The following SLC5A3 variants were observed in gnomAD, a reference collection of about 807,000 sequenced individuals.
SLC5A3 encodes the protein solute carrier family 5 member 3.
Under a neutral mutation model 43.2 loss-of-function variants are expected in SLC5A3, and 10 were observed. The ratio of observed to expected loss-of-function variants is 0.23; its 90% CI spans 0.14 to 0.39. SLC5A3 has a LOEUF of 0.39. SLC5A3 is among the 10% of genes least tolerant of loss of function. SLC5A3 has a pLI of 1.00. For synonymous variants in SLC5A3, 349 were observed against 322.0 expected, an observed-to-expected ratio of 1.08 and a Z score of -0.90; for missense variants, 608 against 893.4, an observed-to-expected ratio of 0.68 and a Z score of 4.07.
chr21:34,081,033 C>A (rs955699402), intron 1 of SLC5A3, among the ~76,000 whole-genome samples: 1 of 152,030 alleles, frequency 6.6e-6, no homozygotes, highest in Non-Finnish European at 1.5e-5. Context: ...TTCCTGAAAA[C>A]CAAGTTGGAT....
At chr21:34,074,073 A>G (rs1172913855) in intron 1 of SLC5A3, among the ~76,000 whole-genome samples, 3 of 143,320 alleles carry the variant, frequency 2.1e-5, no homozygotes, top group Non-Finnish European at 4.6e-5. Flanking sequence ...GCGGGAGTCC[A>G]GTGGAAGGTC....
In SLC5A3 at chr21:34,083,605, G is replaced by A. The variant is rs371309624; in HGVS notation, c.-337+9860G>A. ...TTTTGATTGCCATTCTTCTGTTGGT[G>A]TACTGCTTGCCTTCTGTTTTGTTAA... On this transcript the variant is annotated intron_variant, in intron 1 of 1. Coordinates refer to ENST00000381151, the MANE Select transcript of SLC5A3 (RefSeq NM_006933.7). 3.2e-4 allele frequency among the ~76,000 whole-genome samples: 48 copies of A among 152,298 alleles called. 1 individual carries two copies. The South Asian group carries it at 1.0e-2, about 32-fold the overall frequency.
Position 34,096,503 on chromosome 21 carries a change from C to T in SLC5A3, c.1305C>T (p.Gly435=), listed in dbSNP as rs1978971819. The T allele has an allele frequency of 6.2e-7, 1 of 1,614,094 alleles. No individual in the cohort carries two copies. Residue 435 remains glycine, a synonymous_variant, in exon 2 of 2, where the codon GGC becomes GGT. Coordinates refer to ENST00000381151, the MANE Select transcript of SLC5A3 (RefSeq NM_006933.7). This position sits in a 1 kb window ranked among gnomAD's most constrained non-coding sequence, Gnocchi z 5.9. ...CAATCATCGTGGAGATGCAAGGAGG[C>T]CAGATGTACCTTTACATTCAGGAGG... ...WVPIIVEMQG[G]QMYLYIQEVA... is the part of the protein sequence containing the mutation.
intron 1 of SLC5A3, among the ~76,000 whole-genome samples, chr21:34,094,466 A>G (rs999249858): frequency 9.2e-5 from 14 of 152,094 alleles, no homozygotes; most frequent in Non-Finnish European, 1.6e-4. Flanking sequence ...GTATTTTAAG[A>G]TTTCATTTTT....
chr21:34,081,926 T>G (rs1210766657), intron 1 of SLC5A3, among the ~76,000 whole-genome samples: 1 of 152,186 alleles, frequency 6.6e-6, no homozygotes, highest in Non-Finnish European at 1.5e-5. Context: ...ATGTTTGAAT[T>G]AGTGGTGTTG....
intron 1 of SLC5A3, among the ~76,000 whole-genome samples, chr21:34,085,756 C>T (rs560155789): frequency 6.6e-6 from 1 of 152,184 alleles, no homozygotes; most frequent in East Asian, 1.9e-4. Context: ...GCGCCCGCCA[C>T]CGCACCCAGC....
Position 34,099,613 on chromosome 21 carries a change from T to C in SLC5A3, c.*2258T>C, listed in dbSNP as rs1979140149. 4.0e-6 allele frequency: 4 copies of C among 999,362 alleles called. No homozygotes were observed. The South Asian group carries it at 1.9e-4, about 47-fold the overall frequency. The allele number at this position is 999,362 out of a possible 1,614,324, so 61.9% of individuals were successfully genotyped here. A position where few individuals can be genotyped will look rare whatever the true frequency, so the allele number is the denominator to read the frequency against. On this transcript the variant is annotated 3_prime_UTR_variant, in exon 2 of 2. Coordinates refer to ENST00000381151, the MANE Select transcript of SLC5A3 (RefSeq NM_006933.7). Reference sequence around the variant, plus strand: ...TAGGAGGTGTTTGTGATTTTTTTTTTCTCCCTTTATTTAACATTGAGTCCT... The same window carrying C: ...TAGGAGGTGTTTGTGATTTTTTTTTCCTCCCTTTATTTAACATTGAGTCCT...
Position 34,101,015 on chromosome 21 carries a change from G to A in SLC5A3, c.*3660G>A, listed in dbSNP as rs751623809. The A allele has an allele frequency of 7.0e-6, 7 of 1,000,044 alleles. No homozygotes were observed. Among genetic ancestry groups the A allele is most frequent in the South Asian group, 9.4e-5 (2 of 21,294 alleles). 61.9% of individuals were successfully genotyped at this position (1,000,044 alleles called of 1,614,324 possible). On this transcript the variant is annotated 3_prime_UTR_variant, in exon 2 of 2. Coordinates refer to ENST00000381151, the MANE Select transcript of SLC5A3 (RefSeq NM_006933.7). The stretch of plus-strand genomic sequence containing the variant: ...TGACTGGAAAGGGATCACATGGGTC[G>A]TTGGTGGTGACACCTCACTGTTTCC...
Position 34,103,315 on chromosome 21 carries a change from TAAAAAA to T in SLC5A3, c.*5971_*5976del. The T allele has an allele frequency of 7.7e-6, 7 of 911,356 alleles. No individual in the cohort carries two copies. Among genetic ancestry groups the T allele is most frequent in the Non-Finnish European group, 9.2e-6 (7 of 759,410 alleles). The allele number at this position is 911,356 out of a possible 1,614,324, so 56.5% of individuals were successfully genotyped here. A position where few individuals can be genotyped will look rare whatever the true frequency, so the allele number is the denominator to read the frequency against. On this transcript the variant is annotated 3_prime_UTR_variant, in exon 2 of 2. Coordinates refer to ENST00000381151, the MANE Select transcript of SLC5A3 (RefSeq NM_006933.7). Reference sequence around the variant, plus strand: ...ATTTTGTCGTAACTAGTGAAGGAAGTAAAAAAAAAAAAAAAACATGCATTACATTGA... The same window carrying T: ...ATTTTGTCGTAACTAGTGAAGGAAGTAAAAAAAAAACATGCATTACATTGA...
In SLC5A3 at chr21:34,100,456, C is replaced by T; in HGVS notation, c.*3101C>T. 2 of 1,000,246 alleles carry T rather than the reference C, an allele frequency of 2.0e-6. No homozygotes were observed. The highest frequency in any genetic ancestry group is 2.4e-6 in the Non-Finnish European group (2 of 829,976). The allele number at this position is 1,000,246 out of a possible 1,614,324, so 62.0% of individuals were successfully genotyped here. ...ATGCTTTGTCTTTAGATTAGAGAAGCATCAAGCAATAGCAATGGTGCTGTG... is the reference window on the plus strand; with the variant it reads ...ATGCTTTGTCTTTAGATTAGAGAAGTATCAAGCAATAGCAATGGTGCTGTG... On this transcript the variant is annotated 3_prime_UTR_variant, in exon 2 of 2. Coordinates refer to ENST00000381151, the MANE Select transcript of SLC5A3 (RefSeq NM_006933.7).
At chr21:34,083,346 C>T (rs1473257484) in intron 1 of SLC5A3, among the ~76,000 whole-genome samples, 1 of 152,284 alleles carries the variant, frequency 6.6e-6, no homozygotes, top group African/African-American at 2.4e-5. Flanking sequence ...GATATCTGCT[C>T]CCTTTTCATT....
chr21:34,077,059 C>G (rs1014928322), intron 1 of SLC5A3, among the ~76,000 whole-genome samples: 3 of 152,120 alleles, frequency 2.0e-5, no homozygotes, highest in Admixed American at 6.6e-5. Context: ...TCCACCCTGC[C>G]CCCCCTGCAA....
chr21:34,094,388 C>T (rs1382864111), intron 1 of SLC5A3, among the ~76,000 whole-genome samples: 1 of 152,078 alleles, frequency 6.6e-6, no homozygotes, highest in Non-Finnish European at 1.5e-5. Flanking sequence ...TAGTAAACAC[C>T]ACCTGCCTGT....
intron 1 of SLC5A3, among the ~76,000 whole-genome samples, chr21:34,091,675 T>G (rs2148657818): frequency 6.6e-6 from 1 of 152,342 alleles, no homozygotes; most frequent in South Asian, 2.1e-4. Context: ...CAAAACTGCA[T>G]TCTAATTCTG....
Position 34,100,445 on chromosome 21 carries a change from G to A in SLC5A3, c.*3090G>A, listed in dbSNP as rs1979182903. On this transcript the variant is annotated 3_prime_UTR_variant, in exon 2 of 2. Coordinates refer to ENST00000381151, the MANE Select transcript of SLC5A3 (RefSeq NM_006933.7). The stretch of plus-strand genomic sequence containing the variant: ...TGGGGGTAATTATGCTTTGTCTTTA[G>A]ATTAGAGAAGCATCAAGCAATAGCA... 1 of 999,900 alleles carries A rather than the reference G, an allele frequency of 1.0e-6. No individual in the cohort carries two copies. The highest frequency in any genetic ancestry group is 1.8e-5 in the African/African-American group (1 of 57,022). 61.9% of individuals were successfully genotyped at this position (999,900 alleles called of 1,614,324 possible).
intron 1 of SLC5A3, among the ~76,000 whole-genome samples, chr21:34,080,190 T>C (rs560973372): frequency 6.6e-6 from 1 of 152,346 alleles, no homozygotes; most frequent in African/African-American, 2.4e-5. Flanking sequence ...GGTGCACTTA[T>C]AACAAGGAAA....
rs1050807571 is a variant in SLC5A3, at chr21:34,096,465, A to G, written c.1267A>G (p.Ile423Val). 5 of 1,614,096 alleles carry G rather than the reference A, an allele frequency of 3.1e-6. No homozygotes were observed. The highest frequency in any genetic ancestry group is 3.4e-6 in the Non-Finnish European group (4 of 1,180,032). Residue 423 changes from isoleucine (I) to valine (V), a missense_variant, in exon 2 of 2, where the codon ATA becomes GTA. Ile to Val is a conservative substitution (Grantham distance 29). Coordinates refer to ENST00000381151, the MANE Select transcript of SLC5A3 (RefSeq NM_006933.7). This position sits in a 1 kb window ranked among gnomAD's most constrained non-coding sequence, Gnocchi z 5.9. ...IFVAFMVVIS[I>V]AWVPIIVEMQ... ...TGTGGCATTTATGGTGGTGATCAGC[A>G]TAGCATGGGTGCCAATCATCGTGGA...
chr21:34,091,501 G>T (rs1255748999), intron 1 of SLC5A3, among the ~76,000 whole-genome samples: 1 of 151,946 alleles, frequency 6.6e-6, no homozygotes, highest in Non-Finnish European at 1.5e-5. Flanking sequence ...ATTACATTTT[G>T]GTTAACATGG....
intron 1 of SLC5A3, among the ~76,000 whole-genome samples, chr21:34,088,769 A>T (rs1978528308): frequency 6.6e-6 from 1 of 152,214 alleles, no homozygotes; most frequent in Non-Finnish European, 1.5e-5. Flanking sequence ...TAAAATGGTC[A>T]TAATAATTGT....
Sources: gnomAD v4.1 joint callset for allele counts (sites outside exome capture counted in the v4.1 genomes callset) on GRCh38, gnomAD v4.1.1 for gene constraint, Gnocchi (gnomAD v3.1) non-coding constraint, MANE v1.5 for transcripts, NCBI Gene and HGNC (gene_info 2026-07-23, HGNC 2026-07-21) for gene names.